TMEM150A: variants seen among roughly 807,000 people sequenced by gnomAD.
TMEM150A encodes transmembrane protein 150A.
TMEM150A carries 18 observed loss-of-function variants against 29.8 expected under a neutral mutation model. The ratio of observed to expected loss-of-function variants is 0.60; its 90% CI spans 0.42 to 0.90. The LOEUF (loss-of-function observed/expected upper bound fraction) is 0.90. TMEM150A is among the 40% of genes least tolerant of loss of function. The pLI, the probability that TMEM150A is intolerant of heterozygous loss-of-function variation, is 0.00. For missense variants in TMEM150A, 251 were observed against 349.7 expected (o/e 0.72, Z 2.25); for synonymous variants, 127 against 143.6 (o/e 0.88, Z 0.83).
chr2:85,599,060 C>T lies in TMEM150A; in HGVS notation c.*16G>A, dbSNP rs757749495. On this transcript the variant is annotated 3_prime_UTR_variant, in exon 8 of 8. Coordinates refer to ENST00000334462, the MANE Select transcript of TMEM150A (RefSeq NM_001031738.3). The surrounding 1 kb of genome is among the most constrained non-coding windows in gnomAD (Gnocchi z 6.0). The stretch of plus-strand genomic sequence containing the variant: ...TGGGGTGCTGTGGAGGCCGGGCCAG[C>T]CACCCTCCCCAGACCTTAGATCATA... The T allele has an allele frequency of 1.9e-6, 3 of 1,601,312 alleles. No individual in the cohort carries two copies. Among genetic ancestry groups the T allele is most frequent in the Admixed American group, 1.7e-5 (1 of 59,682 alleles).
chr2:85,599,739 T>C lies in TMEM150A; in HGVS notation c.397-37A>G, dbSNP rs771239150. 2 of 1,600,724 alleles carry C rather than the reference T, an allele frequency of 1.2e-6. No homozygotes were observed. The highest frequency in any genetic ancestry group is 1.7e-6 in the Non-Finnish European group (2 of 1,173,002). ...GAAGGGCCAGTTGGTGATGTGGCCA[T>C]GGCCCCACCTCTCCACCCCTCCTTC... On this transcript the variant is annotated intron_variant, in intron 6 of 7. Transcript: ENST00000334462. The surrounding 1 kb of genome is among the most constrained non-coding windows in gnomAD (Gnocchi z 6.0).
rs1672975800 is a variant in TMEM150A at position 85,601,720 on chromosome 2, A to T, written c.65+164T>A. 1 of 919,882 alleles carries T rather than the reference A, an allele frequency of 1.1e-6. No homozygotes were observed. The highest frequency in any genetic ancestry group is 1.7e-5 in the African/African-American group (1 of 60,574). The allele number at this position is 919,882 out of a possible 1,614,324, so 57.0% of individuals were successfully genotyped here. On this transcript the variant is annotated intron_variant, in intron 2 of 7. Coordinates refer to ENST00000334462, the MANE Select transcript of TMEM150A (RefSeq NM_001031738.3). The surrounding 1 kb of genome is among the most constrained non-coding windows in gnomAD (Gnocchi z 4.0). ...ATTTGTCAGGGCCACCCTGCTGGACAGCAGTGGTGCCAGCTTGTCCCAAGG... is the reference window on the plus strand; with the variant it reads ...ATTTGTCAGGGCCACCCTGCTGGACTGCAGTGGTGCCAGCTTGTCCCAAGG...
In TMEM150A at chr2:85,601,995, G is replaced by A; in HGVS notation, c.-47C>T. 4 of 1,580,196 alleles carry A rather than the reference G, an allele frequency of 2.5e-6. No homozygotes were observed. Among genetic ancestry groups the A allele is most frequent in the South Asian group, 1.1e-5 (1 of 90,370 alleles). ...TGGTGGTGTTGGGGGGAGGACAAGAGGTAGATGGGGAAGTGGGGGCGGACC... is the reference window on the plus strand; with the variant it reads ...TGGTGGTGTTGGGGGGAGGACAAGAAGTAGATGGGGAAGTGGGGGCGGACC... On this transcript the variant is annotated 5_prime_UTR_variant, in exon 2 of 8. Transcript: ENST00000334462. The surrounding 1 kb of genome is among the most constrained non-coding windows in gnomAD (Gnocchi z 4.0).
intron 4 of TMEM150A, 57 bp from the exon 5 acceptor site, chr2:85,600,469 A>T: frequency 7.3e-7 from 1 of 1,375,654 alleles, no homozygotes; most frequent in Non-Finnish European, 1.0e-6. Flanking sequence ...GGGGGCCCCC[A>T]TTTTGGCTCA....
In TMEM150A at chr2:85,601,978, T is replaced by C; in HGVS notation, c.-30A>G. Reference sequence around the variant, plus strand: ...GAGGGGAGCCAGGGTGGTGGTGGTGTTGGGGGGAGGACAAGAGGTAGATGG... The same window carrying C: ...GAGGGGAGCCAGGGTGGTGGTGGTGCTGGGGGGAGGACAAGAGGTAGATGG... On this transcript the variant is annotated 5_prime_UTR_variant, in exon 2 of 8. Transcript: ENST00000334462. The surrounding 1 kb of genome is among the most constrained non-coding windows in gnomAD (Gnocchi z 4.0). The C allele has an allele frequency of 6.2e-7, 1 of 1,611,544 alleles. No homozygotes were observed. The highest frequency in any genetic ancestry group is 8.5e-7 in the Non-Finnish European group (1 of 1,178,286).
At position 85,599,454 on chromosome 2, in the gene TMEM150A, C is replaced by T; in HGVS notation, c.574+71G>A. 4.5e-6 allele frequency: 7 copies of T among 1,567,898 alleles called. No homozygotes were observed. The South Asian group carries it at 7.2e-5, about 16-fold the overall frequency. Reference sequence around the variant, plus strand: ...ACATGGCAGTGTTAGGCCTCCACCCCCCATCCTCTTGGGAGGGAGAAAGGT... The same window carrying T: ...ACATGGCAGTGTTAGGCCTCCACCCTCCATCCTCTTGGGAGGGAGAAAGGT... On this transcript the variant is annotated intron_variant, in intron 7 of 7. Coordinates refer to ENST00000334462, the MANE Select transcript of TMEM150A (RefSeq NM_001031738.3). This position sits in a 1 kb window ranked among gnomAD's most constrained non-coding sequence, Gnocchi z 6.0.
rs1191635149 is a variant in TMEM150A, at chr2:85,600,356, C to T, written c.257G>A (p.Gly86Asp). The part of the protein sequence containing the change: ...SCLFSLIGNM[G>D]AFMVALICLL... ...AGGGTACAACTCACCCATGAAAGCA[C>T]CCATGTTGCCAATGAGGCTGAAGAG... Residue 86 changes from glycine (G) to aspartate (D), a missense_variant, in exon 5 of 8, where the codon GGT (glycine) becomes GAT (aspartate). Gly to Asp is a moderately conservative substitution (Grantham distance 94). Transcript: ENST00000334462. 1 of 1,613,968 alleles carries T rather than the reference C, an allele frequency of 6.2e-7. No individual in the cohort carries two copies. Among genetic ancestry groups the T allele is most frequent in the South Asian group, 1.1e-5 (1 of 91,070 alleles).
intron 5 of TMEM150A, 52 bp from the exon 6 acceptor site, chr2:85,600,070 G>A: frequency 6.2e-7 from 1 of 1,600,782 alleles, no homozygotes; most frequent in Non-Finnish European, 8.5e-7. Context: ...GCCCTGCCCA[G>A]CGAGCCTGTC....
chr2:85,599,938 T>C lies in TMEM150A; in HGVS notation c.349A>G (p.Thr117Ala). The C allele has an allele frequency of 6.2e-7, 1 of 1,612,482 alleles. No individual in the cohort carries two copies. The highest frequency in any genetic ancestry group is 2.2e-5 in the East Asian group (1 of 44,770). Residue 117 changes from threonine to alanine, a missense_variant, in exon 6 of 8, where the codon ACA becomes GCA. By Grantham distance (58) the Thr-to-Ala change is moderately conservative. Coordinates refer to ENST00000334462, the MANE Select transcript of TMEM150A (RefSeq NM_001031738.3). This position sits in a 1 kb window ranked among gnomAD's most constrained non-coding sequence, Gnocchi z 6.0. ...AGGCCCGCAGCGTTGGTGCAGCCTG[T>C]GATGAGTGCCGTGGTGTTAACCCAA... ...HSWVNTTALI[T>A]GCTNAAGLLV...
At position 85,602,037 on chromosome 2, in the gene TMEM150A, T is replaced by G. The variant is rs1181666519; in HGVS notation, c.-89A>C. 2.6e-6 allele frequency: 3 copies of G among 1,165,810 alleles called. No individual in the cohort carries two copies. Among genetic ancestry groups the G allele is most frequent in the Non-Finnish European group, 3.9e-6 (3 of 777,136 alleles). The allele number at this position is 1,165,810 out of a possible 1,614,324, so 72.2% of individuals were successfully genotyped here. On this transcript the variant is annotated 5_prime_UTR_variant, in exon 2 of 8. Transcript: ENST00000334462. The surrounding 1 kb of genome is among the most constrained non-coding windows in gnomAD (Gnocchi z 5.6). ...GGGCGGACCAGCTACCTTGAGATGT[T>G]TCTGCCACAACCATCAGCTGTCCTG... is the stretch of plus-strand genomic sequence containing the variant.
chr2:85,599,011 A>C lies in TMEM150A; in HGVS notation c.*65T>G, dbSNP rs967943680. ...TTTCTCAAAATTGTTTTTGGTACGAAATAAATGGAAAGAAGATATGGGGTG... is the reference window on the plus strand; with the variant it reads ...TTTCTCAAAATTGTTTTTGGTACGACATAAATGGAAAGAAGATATGGGGTG... On this transcript the variant is annotated 3_prime_UTR_variant, in exon 8 of 8. Coordinates refer to ENST00000334462, the MANE Select transcript of TMEM150A (RefSeq NM_001031738.3). This position sits in a 1 kb window ranked among gnomAD's most constrained non-coding sequence, Gnocchi z 6.0. 2 of 1,574,122 alleles carry C rather than the reference A, an allele frequency of 1.3e-6. No individual in the cohort carries two copies. Among genetic ancestry groups the C allele is most frequent in the African/African-American group, 1.4e-5 (1 of 73,252 alleles).
chr2:85,599,547 G>A lies in TMEM150A; in HGVS notation c.552C>T (p.Ile184=), dbSNP rs935447863. Residue 184 remains isoleucine, a synonymous_variant, in exon 7 of 8, where the codon ATC becomes ATT. Coordinates refer to ENST00000334462, the MANE Select transcript of TMEM150A (RefSeq NM_001031738.3). The surrounding 1 kb of genome is among the most constrained non-coding windows in gnomAD (Gnocchi z 6.0). ...TACTGAGGACCAGGGTGATAAAGGC[G>A]ATGACAGCCAGCACACTTCGCAGAT... ...VAYLRSVLAV[I]AFITLVLSGV... 7 of 1,613,352 alleles carry A rather than the reference G, an allele frequency of 4.3e-6. No individual in the cohort carries two copies. Among genetic ancestry groups the A allele is most frequent in the Middle Eastern group, 3.3e-4 (2 of 6,056 alleles).
chr2:85,600,111 C>T, intron 5 of TMEM150A, 93 bp from the exon 6 acceptor site: 1 of 1,538,596 alleles, frequency 6.5e-7, no homozygotes, highest in Non-Finnish European at 8.8e-7. Flanking sequence ...GTGCTCCTGC[C>T]CCTTCTGAGG....
At position 85,602,657 on chromosome 2, in the gene TMEM150A, G is replaced by A; in HGVS notation, c.-167C>T. Reference sequence around the variant, plus strand: ...GCACCCTGCTCGGCCCCCTCGTGGCGCCGACTCTAGCTGCGGCCCTCGGAG... The same window carrying A: ...GCACCCTGCTCGGCCCCCTCGTGGCACCGACTCTAGCTGCGGCCCTCGGAG... On this transcript the variant is annotated 5_prime_UTR_variant, in exon 1 of 8. Transcript: ENST00000334462. The surrounding 1 kb of genome is among the most constrained non-coding windows in gnomAD (Gnocchi z 5.6). The A allele has an allele frequency of 6.5e-6, 1 of 152,764 alleles. No homozygotes were observed. Among genetic ancestry groups the A allele is most frequent in the East Asian group, 1.9e-4 (1 of 5,188 alleles). 9.5% of individuals were successfully genotyped at this position (152,764 alleles called of 1,614,324 possible). A position where few individuals can be genotyped will look rare whatever the true frequency, so the allele number is the denominator to read the frequency against.
At position 85,598,745 on chromosome 2, in the gene TMEM150A, G is replaced by T; in HGVS notation, c.*331C>A. On this transcript the variant is annotated 3_prime_UTR_variant, in exon 8 of 8. Coordinates refer to ENST00000334462, the MANE Select transcript of TMEM150A (RefSeq NM_001031738.3). ...ACTTCTATCCCCTCTGCTGTTCCCA[G>T]CCCCCAATTCCTGCAGCAGGAAACC... The T allele has an allele frequency of 6.3e-6, 2 of 318,876 alleles. 1 individual carries two copies. The highest frequency in any genetic ancestry group is 6.5e-5 in the South Asian group (2 of 30,968). The allele number at this position is 318,876 out of a possible 1,614,324, so 19.8% of individuals were successfully genotyped here.
At position 85,599,460 on chromosome 2, in the gene TMEM150A, C is replaced by T. The variant is rs1672805489; in HGVS notation, c.574+65G>A. The T allele has an allele frequency of 1.9e-6, 3 of 1,569,824 alleles. No homozygotes were observed. The East Asian group carries it at 6.7e-5, about 35-fold the overall frequency. ...CAGTGTTAGGCCTCCACCCCCCATC[C>T]TCTTGGGAGGGAGAAAGGTTGAGCT... On this transcript the variant is annotated intron_variant, in intron 7 of 7. Transcript: ENST00000334462. The surrounding 1 kb of genome is among the most constrained non-coding windows in gnomAD (Gnocchi z 6.0).
rs553981225 is a variant in TMEM150A, at chr2:85,599,979, T to C, written c.308A>G (p.Glu103Gly). ...GTTAACCCAAGAGTGCCGACTCTGC[T>C]CCAGGAGCTGCCCGTAGCGCAGGAG... ...ICLLRYGQLL[E>G]QSRHSWVNTT... The change falls in exon 6 of 8, where the codon GAG (glutamate) becomes GGG (glycine). Residue 103 changes from glutamate (E) to glycine (G), a missense_variant. By Grantham distance (98) the Glu-to-Gly change is moderately conservative. Coordinates refer to ENST00000334462, the MANE Select transcript of TMEM150A (RefSeq NM_001031738.3). The surrounding 1 kb of genome is among the most constrained non-coding windows in gnomAD (Gnocchi z 6.0). 1 of 1,612,604 alleles carries C rather than the reference T, an allele frequency of 6.2e-7. No individual in the cohort carries two copies. The highest frequency in any genetic ancestry group is 2.2e-5 in the East Asian group (1 of 44,804).
rs752795097 is a variant in TMEM150A, at chr2:85,599,904, A to G, written c.383T>C (p.Val128Ala). Residue 128 changes from valine (V) to alanine (A), a missense_variant, in exon 6 of 8, where the codon GTT becomes GCT. Physicochemically the swap from Val to Ala is moderately conservative, Grantham distance 64. Transcript: ENST00000334462. The surrounding 1 kb of genome is among the most constrained non-coding windows in gnomAD (Gnocchi z 6.0). ...GCTNAAGLLV[V>A]GNFQVDHARS... is the part of the protein sequence containing the mutation. ...AAGGGGAAGCACCTGAAAGTTGCCA[A>G]CCACCAAGAGGCCCGCAGCGTTGGT... 3.1e-6 allele frequency: 5 copies of G among 1,613,378 alleles called. No homozygotes were observed. Among genetic ancestry groups the G allele is most frequent in the South Asian group, 2.2e-5 (2 of 91,024 alleles).
rs1357608907 is a variant in TMEM150A, at chr2:85,599,058, A to T, written c.*18T>A. ...GGTGGGGTGCTGTGGAGGCCGGGCC[A>T]GCCACCCTCCCCAGACCTTAGATCA... is the stretch of plus-strand genomic sequence containing the variant. On this transcript the variant is annotated 3_prime_UTR_variant, in exon 8 of 8. Transcript: ENST00000334462. The surrounding 1 kb of genome is among the most constrained non-coding windows in gnomAD (Gnocchi z 6.0). The T allele has an allele frequency of 6.9e-6, 11 of 1,601,626 alleles. No individual in the cohort carries two copies. The African/African-American group carries it at 1.3e-4, about 20-fold the overall frequency.
Sources: gnomAD v4.1 joint callset for allele counts on GRCh38, gnomAD v4.1.1 for gene constraint, Gnocchi (gnomAD v3.1) non-coding constraint, MANE v1.5 for transcripts, NCBI Gene and HGNC (gene_info 2026-07-23, HGNC 2026-07-21) for gene names.